RFX3: variants seen among roughly 807,000 people sequenced by gnomAD.
RFX3 encodes regulatory factor X3, also known as transcription factor RFX3.
In RFX3, 14 loss-of-function variants were observed where a neutral mutation model predicts 98.6. The observed-to-expected ratio is 0.14, with a 90% CI of 0.09 to 0.22. The LOEUF (loss-of-function observed/expected upper bound fraction) is 0.22. Ranked by LOEUF, RFX3 falls within the 10% of genes least tolerant of loss-of-function variation. RFX3 has a pLI of 1.00. For synonymous variants in RFX3, 383 were observed against 328.4 expected (o/e 1.17, Z -1.80); for missense variants, 639 against 926.9 (o/e 0.69, Z 4.03).
chr9:3,394,689 G>T, intron 2 of RFX3: 3 of 294,154 alleles, frequency 1.0e-5, no homozygotes, highest in Non-Finnish European at 1.5e-5. Flanking sequence ...AGCAACGTTT[G>T]CTAAAGAGTC....
At chr9:3,465,711 GAA>G (rs1289965915) in intron 1 of RFX3, among the ~76,000 whole-genome samples, 2 of 151,948 alleles carry the variant, frequency 1.3e-5, no homozygotes, top group African/African-American at 4.8e-5. Flanking sequence ...AGTATACAAA[GAA>G]GAGAAGGTAT....
chr9:3,424,431 G>C (rs1271908936), intron 1 of RFX3, among the ~76,000 whole-genome samples: 1 of 123,964 alleles, frequency 8.1e-6, no homozygotes, highest in Admixed American at 1.1e-4. Context: ...GCGCGATCTC[G>C]ACTCACTGCA....
At chr9:3,508,790 G>A (rs1276582372) in intron 1 of RFX3, among the ~76,000 whole-genome samples, 1 of 151,952 alleles carries the variant, frequency 6.6e-6, no homozygotes, top group East Asian at 1.9e-4. Flanking sequence ...AGGCTGCAGA[G>A]AGCATCAGGT....
chr9:3,487,985 A>T (rs1473578742), intron 1 of RFX3, among the ~76,000 whole-genome samples: 2 of 152,110 alleles, frequency 1.3e-5, no homozygotes, highest in Non-Finnish European at 2.9e-5. Flanking sequence ...GTAAAGCATG[A>T]CCTTTGTGTA....
intron 11 of RFX3, among the ~76,000 whole-genome samples, chr9:3,269,465 T>G (rs998000025): frequency 1.3e-5 from 2 of 152,128 alleles, no homozygotes; most frequent in African/African-American, 4.8e-5. Flanking sequence ...ATGCTTGCTT[T>G]TACTTTATTG....
intron 15 of RFX3, among the ~76,000 whole-genome samples, chr9:3,232,875 A>T (rs1244767997): frequency 1.3e-5 from 2 of 152,024 alleles, no homozygotes; most frequent in African/African-American, 2.4e-5. Flanking sequence ...ACAGAGAGAA[A>T]CACCCACACA....
chr9:3,359,098 T>A (rs1836117422), intron 2 of RFX3, among the ~76,000 whole-genome samples: 1 of 151,724 alleles, frequency 6.6e-6, no homozygotes, highest in African/African-American at 2.4e-5. Flanking sequence ...ACGAGACCCT[T>A]GAAACGATTT....
At chr9:3,456,673 C>T (rs185271061) in intron 1 of RFX3, among the ~76,000 whole-genome samples, 2 of 152,296 alleles carry the variant, frequency 1.3e-5, no homozygotes, top group Non-Finnish European at 2.9e-5. Context: ...ATTTGGCCAT[C>T]TATTAAATAT....
rs145226176 is a variant in RFX3 at position 3,416,548 on chromosome 9, T to G, written c.-8-20952A>C. Among the ~76,000 whole-genome samples the G allele has an allele frequency of 4.9e-3, 744 of 152,268 alleles. 2 individuals are homozygous for G. Among genetic ancestry groups the G allele is most frequent in the Non-Finnish European group, 8.2e-3 (561 of 68,016 alleles). ...CATCTGAAGTGAGAAATTCTCAAAGTTCCCATATGTACACCCAATATGATT... is the reference window on the plus strand; with the variant it reads ...CATCTGAAGTGAGAAATTCTCAAAGGTCCCATATGTACACCCAATATGATT... On this transcript the variant is annotated intron_variant, in intron 1 of 16. Transcript: ENST00000617270.
intron 2 of RFX3, among the ~76,000 whole-genome samples, chr9:3,368,942 T>C (rs1837510774): frequency 6.6e-6 from 1 of 152,230 alleles, no homozygotes; most frequent in South Asian, 2.1e-4. Flanking sequence ...TCAGGAACAA[T>C]GTCTATTTCT....
intron 1 of RFX3, among the ~76,000 whole-genome samples, chr9:3,399,111 A>G (rs1841214748): frequency 6.6e-6 from 1 of 151,738 alleles, no homozygotes; most frequent in Non-Finnish European, 1.5e-5. Context: ...AATTGCTAAC[A>G]TTTAAAAATC....
chr9:3,415,100 A>AAG (rs1842864546), intron 1 of RFX3, among the ~76,000 whole-genome samples: 8 of 87,312 alleles, frequency 9.2e-5, no homozygotes, highest in African/African-American at 9.0e-4. Flanking sequence ...ATATACTCAT[A>AAG]TATAAGTATA....
At chr9:3,320,751 T>C (rs1191317845) in intron 4 of RFX3, among the ~76,000 whole-genome samples, 2 of 110,568 alleles carry the variant, frequency 1.8e-5, no homozygotes, top group Non-Finnish European at 3.2e-5. Flanking sequence ...TATATACATA[T>C]AATGCATGCT....
At chr9:3,313,105 G>C (rs766715574) in intron 4 of RFX3, among the ~76,000 whole-genome samples, 1 of 152,200 alleles carries the variant, frequency 6.6e-6, no homozygotes, top group Non-Finnish European at 1.5e-5. Context: ...GTAACTGAGA[G>C]ACACTTCCCA....
At chr9:3,326,870 T>C (rs117487965) in intron 4 of RFX3, among the ~76,000 whole-genome samples, 413 of 152,272 alleles carry the variant, frequency 2.7e-3, no homozygotes, top group Non-Finnish European at 4.7e-3. Flanking sequence ...ACTGAATTAA[T>C]TGACTATGCA....
At chr9:3,475,253 C>A (rs1849133133) in intron 1 of RFX3, among the ~76,000 whole-genome samples, 1 of 151,852 alleles carries the variant, frequency 6.6e-6, no homozygotes, top group South Asian at 2.1e-4. Flanking sequence ...TTTTTCTCCC[C>A]GTGTGCAGAG....
chr9:3,425,866 A>G (rs1195054328), intron 1 of RFX3, among the ~76,000 whole-genome samples: 1 of 152,180 alleles, frequency 6.6e-6, no homozygotes, highest in Non-Finnish European at 1.5e-5. Context: ...AGATTGAATA[A>G]ATTTCACTGA....
At chr9:3,268,139 C>A (rs996323442) in intron 11 of RFX3, among the ~76,000 whole-genome samples, 4 of 151,692 alleles carry the variant, frequency 2.6e-5, no homozygotes, top group African/African-American at 9.7e-5. Context: ...AGTGCTCATA[C>A]AATTAACGTT....
chr9:3,494,618 G>A (rs1042795751), intron 1 of RFX3, among the ~76,000 whole-genome samples: 2 of 152,020 alleles, frequency 1.3e-5, no homozygotes, highest in African/African-American at 4.8e-5. Context: ...AAATAAAACA[G>A]AGAAATATAA....
Sources: allele counts gnomAD v4.1 joint callset (sites outside exome capture counted in the v4.1 genomes callset), GRCh38; gene constraint gnomAD v4.1.1; transcripts MANE v1.5; gene names NCBI Gene and HGNC (gene_info 2026-07-23, HGNC 2026-07-21).